RPS6KC1: variants seen among roughly 807,000 people sequenced by gnomAD.
RPS6KC1 encodes inactive ribosomal protein S6 kinase delta-1.
Under a neutral mutation model 103.8 loss-of-function variants are expected in RPS6KC1, and 54 were observed. The ratio of observed to expected loss-of-function variants is 0.52; its 90% confidence interval spans 0.42 to 0.65. The LOEUF is 0.65. Among genes scored for constraint, RPS6KC1 ranks in the 30% least tolerant of loss-of-function variants. RPS6KC1 has a pLI of 0.00. For synonymous variants in RPS6KC1, 439 were observed against 438.7 expected, an observed-to-expected ratio of 1.00 and a Z score of -0.01; for missense variants, 1,151 against 1,253.8, an observed-to-expected ratio of 0.92 and a Z score of 1.24.
intron 8 of RPS6KC1, among the ~76,000 whole-genome samples, chr1:213,216,476 A>C (rs7518411): frequency 0.041 from 6,176 of 152,260 alleles, 182 homozygotes; most frequent in African/African-American, 0.083. Context: ...ACAGAAAGTT[A>C]ACAAGGATAC....
At chr1:213,830,179 GTC>G in the RPS6KC1 span, among the ~76,000 whole-genome samples, 1 of 152,144 alleles carries the variant, frequency 6.6e-6, no homozygotes, top group Non-Finnish European at 1.5e-5. Flanking sequence ...GCTGATACAA[GTC>G]TCTGTTATTA....
chr1:213,515,950 C>T, the RPS6KC1 span, among the ~76,000 whole-genome samples: 1 of 95,288 alleles, frequency 1.0e-5, no homozygotes, highest in Non-Finnish European at 2.9e-5. Context: ...CTTCACATCC[C>T]TTGTAAGTTG....
intron 1 of RPS6KC1, among the ~76,000 whole-genome samples, chr1:213,061,814 A>G (rs1274009441): frequency 2.0e-5 from 3 of 152,172 alleles, no homozygotes; most frequent in Non-Finnish European, 2.9e-5. Context: ...TCTTTGAAAA[A>G]TGAAAAGAGT....
chr1:213,554,075 A>G, the RPS6KC1 span, among the ~76,000 whole-genome samples: 5 of 152,116 alleles, frequency 3.3e-5, no homozygotes, highest in Non-Finnish European at 7.4e-5. Flanking sequence ...TTGCTTTTGA[A>G]GTCTTCATCA....
Position 213,242,611 on chromosome 1 carries a change from A to C in RPS6KC1, c.2864A>C (p.Glu955Ala). ...TATTTTAGCAGGTGGAGTGAGGTTG[A>C]AGATTCCTGTGACAGCGATGCCATA... ...LTYFSRWSEV[E>A]DSCDSDAIER... is the part of the protein sequence containing the mutation. Residue 955 changes from glutamate to alanine, a missense_variant, in exon 12 of 15, where the codon GAA becomes GCA. By Grantham distance (107) the Glu-to-Ala change is moderately radical. This residue lies in a region of RPS6KC1 where 189 missense variants were observed against 228.8 expected (regional missense o/e 0.83). Transcript: ENST00000366960. 2.5e-6 allele frequency: 4 copies of C among 1,595,512 alleles called. No individual in the cohort carries two copies. The highest frequency in any genetic ancestry group is 3.4e-6 in the Non-Finnish European group (4 of 1,169,548).
chr1:213,591,786 C>G, the RPS6KC1 span, among the ~76,000 whole-genome samples: 1 of 152,146 alleles, frequency 6.6e-6, no homozygotes, highest in Non-Finnish European at 1.5e-5. Flanking sequence ...TTGGACTGTT[C>G]TAGAATTACA....
intron 12 of RPS6KC1, among the ~76,000 whole-genome samples, chr1:213,253,679 G>A (rs1205872891): frequency 1.3e-5 from 2 of 152,048 alleles, no homozygotes; most frequent in Admixed American, 6.6e-5. Flanking sequence ...TTAGATAAAC[G>A]TATGTCATGA....
the RPS6KC1 span, among the ~76,000 whole-genome samples, chr1:213,288,468 A>G: frequency 6.6e-6 from 1 of 152,238 alleles, no homozygotes. Context: ...GACAGATTCA[A>G]ACATTCCTTT....
chr1:213,242,309 T>C lies in RPS6KC1; in HGVS notation c.2821+12T>C, dbSNP rs779249019. 3.7e-6 allele frequency: 6 copies of C among 1,612,856 alleles called. No individual in the cohort carries two copies. In the South Asian group the frequency reaches 6.6e-5, roughly 18 times the overall value. ...ATTGAATGATAGAGGTCAGGAACTTTTGCAAATGCATTTCTTTTTATTCGC... is the reference window on the plus strand; with the variant it reads ...ATTGAATGATAGAGGTCAGGAACTTCTGCAAATGCATTTCTTTTTATTCGC... On this transcript the variant is annotated intron_variant, in intron 11 of 14. Transcript: ENST00000366960.
chr1:213,145,911 A>G (rs1189817319), intron 6 of RPS6KC1, among the ~76,000 whole-genome samples: 3 of 134,452 alleles, frequency 2.2e-5, no homozygotes, highest in African/African-American at 8.5e-5. Flanking sequence ...CAATTAAGTT[A>G]TTATTGACTA....
rs2079482238 is a variant in RPS6KC1, at chr1:213,077,793, C to T, written c.239C>T (p.Pro80Leu). The T allele has an allele frequency of 6.4e-7, 1 of 1,559,370 alleles. No individual in the cohort carries two copies. The highest frequency in any genetic ancestry group is 8.7e-7 in the Non-Finnish European group (1 of 1,147,630). The change falls in exon 3 of 15, where the codon CCA becomes CTA. Residue 80 changes from proline (P) to leucine (L), a missense_variant. Pro to Leu is a moderately conservative substitution (Grantham distance 98). Coordinates refer to ENST00000366960, the MANE Select transcript of RPS6KC1 (RefSeq NM_012424.6). The part of the protein sequence containing the change: ...NLFRHSELFP[P>L]FAKGIVFGRF... The stretch of plus-strand genomic sequence containing the variant: ...TTCCGACATTCAGAGTTGTTTCCTC[C>T]ATTTGCTAAAGGAATAGTGTTTGGT...
At chr1:213,354,218 G>A in the RPS6KC1 span, among the ~76,000 whole-genome samples, 1 of 152,324 alleles carries the variant, frequency 6.6e-6, no homozygotes, top group South Asian at 2.1e-4. Flanking sequence ...ATCCAAGCTG[G>A]TCATGTAGAC....
the RPS6KC1 span, among the ~76,000 whole-genome samples, chr1:213,645,030 A>G: frequency 1.3e-5 from 2 of 152,176 alleles, no homozygotes; most frequent in African/African-American, 4.8e-5. Flanking sequence ...CAACGAAGGT[A>G]AGAAAAAGTG....
chr1:213,518,561 ATAAT>A, the RPS6KC1 span, among the ~76,000 whole-genome samples: 2 of 152,182 alleles, frequency 1.3e-5, no homozygotes, highest in African/African-American at 4.8e-5. Context: ...AGACTTTAAG[ATAAT>A]TAATTTGTTC....
chr1:213,526,029 G>A, the RPS6KC1 span, among the ~76,000 whole-genome samples: 1 of 152,232 alleles, frequency 6.6e-6, no homozygotes, highest in East Asian at 1.9e-4. Flanking sequence ...TTTAAAAAAT[G>A]GGAGATAATA....
At chr1:213,788,262 C>T in the RPS6KC1 span, among the ~76,000 whole-genome samples, 14 of 152,116 alleles carry the variant, frequency 9.2e-5, no homozygotes, top group African/African-American at 3.4e-4. Context: ...TAAGCAGTGG[C>T]AAAACACATC....
chr1:213,375,426 T>C, the RPS6KC1 span, among the ~76,000 whole-genome samples: 1 of 152,150 alleles, frequency 6.6e-6, no homozygotes, highest in Non-Finnish European at 1.5e-5. Flanking sequence ...CTGTTGTAAG[T>C]GAATTAAGGT....
At chr1:213,308,019 GAGAA>G in the RPS6KC1 span, among the ~76,000 whole-genome samples, 3 of 152,044 alleles carry the variant, frequency 2.0e-5, no homozygotes. Context: ...CAAATTTAAA[GAGAA>G]AGAAGAGGCT....
chr1:213,737,147 C>T, the RPS6KC1 span, among the ~76,000 whole-genome samples: 2 of 152,190 alleles, frequency 1.3e-5, no homozygotes, highest in South Asian at 4.1e-4. Context: ...TATAAAAAGC[C>T]AAGTTCTGTA....
Sources: allele counts gnomAD v4.1 joint callset (sites outside exome capture counted in the v4.1 genomes callset), GRCh38; gene constraint gnomAD v4.1.1; regional missense constraint gnomAD v4.1.1; transcripts MANE v1.5; gene names NCBI Gene and HGNC (gene_info 2026-07-23, HGNC 2026-07-21).